TENM3: variants seen among roughly 807,000 people sequenced by gnomAD.
TENM3 encodes the protein teneurin transmembrane protein 3, also known as teneurin-3.
A neutral mutation model predicts 255.1 loss-of-function variants in TENM3; 63 were observed. The ratio of observed to expected loss-of-function variants is 0.25; its 90% confidence interval spans 0.20 to 0.30. The LOEUF (loss-of-function observed/expected upper bound fraction) is 0.30, where lower values mean the gene tolerates loss of function less well. Among genes scored for constraint, TENM3 ranks in the 10% least tolerant of loss-of-function variants. TENM3 has a pLI of 1.00. For synonymous variants in TENM3, 1,306 were observed against 1,322.3 expected (o/e 0.99, Z 0.27); for missense variants, 2,929 against 3,461.1 (o/e 0.85, Z 3.86).
intron 24 of TENM3, among the ~76,000 whole-genome samples, chr4:182,777,559 T>A (rs1764787736): frequency 8.6e-6 from 1 of 115,734 alleles, no homozygotes; most frequent in African/African-American, 3.6e-5. Flanking sequence ...TTTTTTTTTT[T>A]TTTTTTTTTT....
chr4:182,009,523 G>T, the TENM3 span, among the ~76,000 whole-genome samples: 3 of 152,176 alleles, frequency 2.0e-5, no homozygotes, highest in Non-Finnish European at 4.4e-5. Flanking sequence ...GCCACAGCCC[G>T]TGCGTTGGGC....
At chr4:181,882,380 T>C in the TENM3 span, among the ~76,000 whole-genome samples, 55 of 152,216 alleles carry the variant, frequency 3.6e-4, 1 homozygote, top group African/African-American at 1.2e-3. Context: ...ATGAAAGGAG[T>C]GAGCCTTTAT....
At chr4:181,987,054 T>C in the TENM3 span, among the ~76,000 whole-genome samples, 1 of 152,048 alleles carries the variant, frequency 6.6e-6, no homozygotes, top group Non-Finnish European at 1.5e-5. Flanking sequence ...CAACAGAATT[T>C]CAAAACCAAC....
chr4:182,161,769 GTATA>G (rs372306577), intron 1 of TENM3, among the ~76,000 whole-genome samples: 4 of 24,600 alleles, frequency 1.6e-4, no homozygotes, highest in Admixed American at 4.1e-4. Context: ...ATATATATGT[GTATA>G]TATATATACA....
the TENM3 span, among the ~76,000 whole-genome samples, chr4:182,091,651 A>G: frequency 6.1e-4 from 93 of 152,300 alleles, 3 homozygotes; most frequent in South Asian, 0.017. Flanking sequence ...GAGAATGTCA[A>G]CGAAGCTTGA....
chr4:181,598,324 C>T, the TENM3 span, among the ~76,000 whole-genome samples: 10 of 152,116 alleles, frequency 6.6e-5, no homozygotes, highest in Non-Finnish European at 1.3e-4. Context: ...GCTTTCATTC[C>T]TGAACTACGT....
chr4:182,607,346 A>C (rs547141039), intron 4 of TENM3, among the ~76,000 whole-genome samples: 8 of 152,118 alleles, frequency 5.3e-5, no homozygotes, highest in Non-Finnish European at 1.0e-4. Context: ...ACTAGATTAA[A>C]ATCTCTTAGT....
chr4:182,623,182 T>G (rs1750463958), intron 4 of TENM3, among the ~76,000 whole-genome samples: 1 of 151,538 alleles, frequency 6.6e-6, no homozygotes, highest in Non-Finnish European at 1.5e-5. Flanking sequence ...GGCTAAATTT[T>G]TTTTGTATTT....
chr4:182,061,319 A>T, the TENM3 span, among the ~76,000 whole-genome samples: 1 of 151,944 alleles, frequency 6.6e-6, no homozygotes, highest in African/African-American at 2.4e-5. Context: ...GATGGCACTC[A>T]CTCCATCTAG....
chr4:181,777,691 T>C, the TENM3 span, among the ~76,000 whole-genome samples: 1 of 152,192 alleles, frequency 6.6e-6, no homozygotes, highest in Non-Finnish European at 1.5e-5. Context: ...CTATTGCTAA[T>C]GTATTCAACT....
chr4:182,672,425 C>T (rs185187867), intron 6 of TENM3, among the ~76,000 whole-genome samples: 1 of 152,170 alleles, frequency 6.6e-6, no homozygotes, highest in Admixed American at 6.5e-5. Context: ...TTAAGCTTAC[C>T]CCTCCTTCCT....
chr4:182,152,538 C>T (rs1312579939), intron 1 of TENM3, among the ~76,000 whole-genome samples: 2 of 151,584 alleles, frequency 1.3e-5, no homozygotes, highest in African/African-American at 2.4e-5. Flanking sequence ...CAAATTAGTC[C>T]TCAATTGTTA....
the TENM3 span, among the ~76,000 whole-genome samples, chr4:181,597,931 C>G: frequency 6.6e-6 from 1 of 152,140 alleles, no homozygotes; most frequent in Non-Finnish European, 1.5e-5. Flanking sequence ...AATAATATTA[C>G]TCATCTCCAG....
chr4:181,914,879 T>G, the TENM3 span, among the ~76,000 whole-genome samples: 1 of 152,204 alleles, frequency 6.6e-6, no homozygotes, highest in Non-Finnish European at 1.5e-5. Flanking sequence ...GCCCCTTTTA[T>G]GCACCAGGTA....
the TENM3 span, among the ~76,000 whole-genome samples, chr4:181,573,510 G>A: frequency 6.6e-6 from 1 of 151,946 alleles, no homozygotes; most frequent in Admixed American, 6.6e-5. Context: ...ATAATTATGT[G>A]GTAATAATGA....
chr4:182,756,448 T>G (rs1579363390), intron 22 of TENM3, among the ~76,000 whole-genome samples: 1 of 152,202 alleles, frequency 6.6e-6, no homozygotes. Flanking sequence ...TCTCAATTGC[T>G]TGTTCACTTG....
the TENM3 span, among the ~76,000 whole-genome samples, chr4:181,634,976 A>C: frequency 6.6e-6 from 1 of 152,300 alleles, no homozygotes; most frequent in South Asian, 2.1e-4. Context: ...GGATTTCATA[A>C]GAAGCAGGAA....
At chr4:182,272,985 T>TG (rs1759747190) in intron 1 of TENM3, among the ~76,000 whole-genome samples, 1 of 152,096 alleles carries the variant, frequency 6.6e-6, no homozygotes, top group African/African-American at 2.4e-5. Context: ...TTGATTTAAG[T>TG]TTGTAAAAGA....
intron 3 of TENM3, among the ~76,000 whole-genome samples, chr4:182,439,067 T>C (rs1186303240): frequency 6.6e-6 from 1 of 152,212 alleles, no homozygotes; most frequent in Non-Finnish European, 1.5e-5. Context: ...ACATTTAACT[T>C]GCTCAGCATC....
Sources: allele counts gnomAD v4.1 joint callset (sites outside exome capture counted in the v4.1 genomes callset), GRCh38; gene constraint gnomAD v4.1.1; transcripts MANE v1.5; gene names NCBI Gene and HGNC (gene_info 2026-07-23, HGNC 2026-07-21).